The following TUT7 variants were observed in gnomAD, a reference collection of about 807,000 sequenced individuals.
TUT7 encodes the protein terminal uridylyltransferase 7.
Under a neutral mutation model 165.9 loss-of-function variants are expected in TUT7, and 33 were observed. The ratio of observed to expected loss-of-function variants is 0.20; its 90% confidence interval spans 0.15 to 0.27. The LOEUF is 0.27. Among genes scored for constraint, TUT7 ranks in the 10% least tolerant of loss-of-function variants. TUT7 has a pLI of 1.00. For synonymous variants in TUT7, 552 were observed against 608.1 expected, an observed-to-expected ratio of 0.91 and a Z score of 1.36; for missense variants, 1,338 against 1,762.3, an observed-to-expected ratio of 0.76 and a Z score of 4.31.
intron 22 of TUT7, among the ~76,000 whole-genome samples, chr9:86,305,729 G>A (rs190162606): frequency 2.2e-4 from 34 of 152,232 alleles, no homozygotes; most frequent in Admixed American, 2.2e-3. Context: ...AATAATTCAT[G>A]ATGGAGATTA....
intron 17 of TUT7, among the ~76,000 whole-genome samples, chr9:86,312,673 G>A (rs867863452): frequency 2.6e-5 from 4 of 152,318 alleles, no homozygotes; most frequent in South Asian, 2.1e-4. Context: ...AATAGAAAGC[G>A]GGGAAAGGTG....
chr9:86,317,395 T>C lies in TUT7; in HGVS notation c.3217-119A>G, dbSNP rs1358252020. ...TAATTTCAAGTCAGTCTATATCTAT[T>C]TTTTTCCTTTCTAGTTGGGTATTAG... is the stretch of plus-strand genomic sequence containing the variant. On this transcript the variant is annotated intron_variant, in intron 16 of 26. Coordinates refer to ENST00000375963, the MANE Select transcript of TUT7 (RefSeq NM_024617.4). 4.6e-6 allele frequency: 4 copies of C among 876,132 alleles called. No homozygotes were observed. The East Asian group carries it at 7.4e-5, about 16-fold the overall frequency. The allele number at this position is 876,132 out of a possible 1,614,324, so 54.3% of individuals were successfully genotyped here. A position where few individuals can be genotyped will look rare whatever the true frequency, so the allele number is the denominator to read the frequency against.
chr9:86,298,480 G>C (rs796831049), intron 26 of TUT7, among the ~76,000 whole-genome samples: 2 of 152,328 alleles, frequency 1.3e-5, no homozygotes, highest in African/African-American at 4.8e-5. Flanking sequence ...GCAACAAAAA[G>C]CACGGGACTG....
chr9:86,322,297 C>T, intron 14 of TUT7, 28 bp downstream of exon 14: 2 of 1,594,812 alleles, frequency 1.3e-6, no homozygotes, highest in Non-Finnish European at 1.7e-6. Flanking sequence ...AATATTTTGA[C>T]AAATCAAAAG....
chr9:86,304,327 C>G (rs1392811487), intron 24 of TUT7, among the ~76,000 whole-genome samples: 5 of 152,120 alleles, frequency 3.3e-5, no homozygotes, highest in Non-Finnish European at 5.9e-5. Context: ...TTTTCTCTCA[C>G]TGAAATTATT....
In TUT7 at chr9:86,322,992, G is replaced by A. The variant is rs751400564; in HGVS notation, c.2758C>T (p.Leu920=). ...ECGKHVERAL[L]VELNKISLKE... is the part of the protein sequence containing the mutation. ...AGACTTATTTTATTAAGTTCCACTA[G>A]GAGAGCTCTTTCTACATGTTTTCCA... The change falls in exon 13 of 27, where the codon CTA becomes TTA. Residue 920 remains leucine, a synonymous_variant. Transcript: ENST00000375963. 2.9e-5 allele frequency: 47 copies of A among 1,613,884 alleles called. No homozygotes were observed. The highest frequency in any genetic ancestry group is 2.5e-5 in the Non-Finnish European group (30 of 1,179,982).
intron 16 of TUT7, among the ~76,000 whole-genome samples, chr9:86,317,670 C>T (rs968994768): frequency 2.6e-5 from 4 of 152,180 alleles, no homozygotes; most frequent in Non-Finnish European, 4.4e-5. Flanking sequence ...TCATTCTAAG[C>T]AGACCTTCTA....
At chr9:86,346,611 A>G in intron 2 of TUT7, 131 bp from the exon 3 acceptor site, 1 of 919,420 alleles carries the variant, frequency 1.1e-6, no homozygotes, top group East Asian at 2.5e-5. Flanking sequence ...AAGGAAAGGT[A>G]GCTGTCCTAT....
intron 26 of TUT7, among the ~76,000 whole-genome samples, chr9:86,297,935 T>TTTTTTTTTTTTC (rs1554691440): frequency 6.9e-6 from 1 of 145,266 alleles, no homozygotes; most frequent in African/African-American, 2.6e-5. Context: ...TTTTTTTTTT[T>TTTTTTTTTTTTC]CAAATTTCTT....
chr9:86,330,264 G>A (rs1337078598), intron 10 of TUT7, among the ~76,000 whole-genome samples: 4 of 152,040 alleles, frequency 2.6e-5, no homozygotes, highest in Admixed American at 1.3e-4. Context: ...GTTTCACCAC[G>A]TTGGCCAGGC....
intron 18 of TUT7, 77 bp downstream of exon 18, chr9:86,310,629 T>C (rs1216944171): frequency 3.9e-6 from 3 of 760,468 alleles, no homozygotes; most frequent in African/African-American, 3.5e-5. Context: ...ATGTGACTTC[T>C]TTAACTTGAG....
chr9:86,348,968 G>C (rs191553107), intron 2 of TUT7, among the ~76,000 whole-genome samples: 3 of 152,020 alleles, frequency 2.0e-5, no homozygotes, highest in Admixed American at 1.3e-4. Flanking sequence ...CTCTTGGAGG[G>C]TAAAGCTAGG....
At chr9:86,315,128 T>C (rs1033450415) in intron 17 of TUT7, among the ~76,000 whole-genome samples, 2 of 152,248 alleles carry the variant, frequency 1.3e-5, no homozygotes, top group Admixed American at 6.5e-5. Context: ...TTTTTACTTT[T>C]CCACCATCCC....
At chr9:86,333,655 T>A (rs1373895107) in intron 10 of TUT7, among the ~76,000 whole-genome samples, 1 of 152,242 alleles carries the variant, frequency 6.6e-6, no homozygotes, top group African/African-American at 2.4e-5. Context: ...TTTAGCATAT[T>A]AATCATTATT....
intron 10 of TUT7, among the ~76,000 whole-genome samples, chr9:86,332,432 G>A (rs774717251): frequency 3.9e-5 from 6 of 152,180 alleles, no homozygotes; most frequent in Non-Finnish European, 8.8e-5. Context: ...GCAAACTAAC[G>A]TAGGAACAGA....
intron 17 of TUT7, among the ~76,000 whole-genome samples, chr9:86,312,475 T>C (rs2131368796): frequency 6.7e-6 from 1 of 149,744 alleles, no homozygotes; most frequent in South Asian, 2.1e-4. Flanking sequence ...AGCCACCCCA[T>C]CCGGGAGGGA....
At chr9:86,295,289 T>C (rs1826215297) in intron 26 of TUT7, among the ~76,000 whole-genome samples, 1 of 152,184 alleles carries the variant, frequency 6.6e-6, no homozygotes, top group Non-Finnish European at 1.5e-5. Context: ...TTATACTTCA[T>C]TTGATACATT....
intron 19 of TUT7, 100 bp downstream of exon 19, chr9:86,309,828 T>C (rs1827857417): frequency 1.2e-5 from 15 of 1,226,372 alleles, no homozygotes. Context: ...ATGAAGCATT[T>C]CACATGACTA....
At chr9:86,297,164 TTCTC>T (rs1191901329) in intron 26 of TUT7, among the ~76,000 whole-genome samples, 3 of 152,200 alleles carry the variant, frequency 2.0e-5, no homozygotes, top group Non-Finnish European at 4.4e-5. Context: ...GCATCTATAT[TTCTC>T]TCTCAACTGA....
Sources: gnomAD v4.1 joint callset for allele counts (sites outside exome capture counted in the v4.1 genomes callset) on GRCh38, gnomAD v4.1.1 for gene constraint, MANE v1.5 for transcripts, NCBI Gene and HGNC (gene_info 2026-07-23, HGNC 2026-07-21) for gene names.